Variants in CCDC40 observed in about 807,000 individuals in gnomAD.
CCDC40 encodes the protein coiled-coil domain 40 molecular ruler complex subunit, also known as coiled-coil domain-containing protein 40.
In CCDC40, 104 loss-of-function variants were observed where a neutral mutation model predicts 124.5. That is an observed-to-expected ratio of 0.84 (90% CI 0.71 to 0.98). The LOEUF (loss-of-function observed/expected upper bound fraction) is 0.98. Among genes scored for constraint, CCDC40 ranks in the 50% least tolerant of loss-of-function variants. The pLI, the probability that CCDC40 is intolerant of heterozygous loss-of-function variation, is 0.00. For missense variants in CCDC40, 1,463 were observed against 1,503.9 expected, an observed-to-expected ratio of 0.97 and a Z score of 0.45; for synonymous variants, 580 against 602.9, an observed-to-expected ratio of 0.96 and a Z score of 0.56.
intron 3 of CCDC40, among the ~76,000 whole-genome samples, chr17:80,045,903 T>C (rs9903512): frequency 0.065 from 9,848 of 151,822 alleles, 1,007 homozygotes; most frequent in African/African-American, 0.22. Context: ...AAACTTGGAC[T>C]GATGCCACCC....
Position 80,065,576 on chromosome 17 carries a change from A to C in CCDC40, c.1532A>C (p.Glu511Ala), listed in dbSNP as rs1188136826. The change falls in exon 10 of 20, where the codon GAG (glutamate) becomes GCG (alanine). Residue 511 changes from glutamate to alanine, a missense_variant. By Grantham distance (107) the Glu-to-Ala change is moderately radical. Coordinates refer to ENST00000397545, the MANE Select transcript of CCDC40 (RefSeq NM_017950.4). ...SSLVGMKHRD[E>A]AHRAVLEALR... is the part of the protein sequence containing the mutation. The stretch of plus-strand genomic sequence containing the variant: ...CTGGTGGGCATGAAGCACCGCGACG[A>C]GGCGCACAGGGCGGTGCTGGAGGCG... 6.2e-7 allele frequency: 1 copy of C among 1,612,784 alleles called. No homozygotes were observed. The highest frequency in any genetic ancestry group is 8.5e-7 in the Non-Finnish European group (1 of 1,179,870).
At chr17:80,064,853 T>A (rs1351289151) in intron 9 of CCDC40, among the ~76,000 whole-genome samples, 1 of 151,184 alleles carries the variant, frequency 6.6e-6, no homozygotes, top group Admixed American at 6.6e-5. Flanking sequence ...GACGAGAGCA[T>A]CCAGCCCTGG....
chr17:80,076,746 G>GT (rs556537459), intron 10 of CCDC40, among the ~76,000 whole-genome samples: 259 of 146,854 alleles, frequency 1.8e-3, no homozygotes, highest in Admixed American at 4.2e-3. Flanking sequence ...AATAAAGTTT[G>GT]TTTTTTTTTT....
Position 80,087,540 on chromosome 17 carries a change from T to C in CCDC40, c.2450-67T>C. The stretch of plus-strand genomic sequence containing the variant: ...AAAACCTGGCTCACCTCTCGGACAC[T>C]GCTGCCTGCGGGCGAGGACCCGTAC... On this transcript the variant is annotated intron_variant, in intron 14 of 19. Transcript: ENST00000397545. The surrounding 1 kb of genome is among the most constrained non-coding windows in gnomAD (Gnocchi z 4.5). 2.2e-6 allele frequency: 3 copies of C among 1,345,362 alleles called. No individual in the cohort carries two copies. The highest frequency in any genetic ancestry group is 3.2e-6 in the Non-Finnish European group (3 of 942,186). The allele number at this position is 1,345,362 out of a possible 1,614,324, so 83.3% of individuals were successfully genotyped here.
At chr17:80,082,767 C>T (rs866941323) in intron 12 of CCDC40, among the ~76,000 whole-genome samples, 4 of 152,206 alleles carry the variant, frequency 2.6e-5, no homozygotes, top group Non-Finnish European at 5.9e-5. Flanking sequence ...ATCCCCAGGC[C>T]CCCGGGCCCC....
At chr17:80,046,718 C>T (rs77164847) in intron 3 of CCDC40, among the ~76,000 whole-genome samples, 6,831 of 152,160 alleles carry the variant, frequency 0.045, 510 homozygotes, top group African/African-American at 0.15. Context: ...GGAAAAGCCT[C>T]GGCTCCTGGC....
intron 18 of CCDC40, among the ~76,000 whole-genome samples, 196 bp downstream of exon 18, chr17:80,095,647 C>A (rs1440627969): frequency 6.6e-6 from 1 of 151,054 alleles, no homozygotes; most frequent in Non-Finnish European, 1.5e-5. Context: ...TTCTGCTAAC[C>A]TGCTGCTGGG....
In CCDC40 at chr17:80,081,944, G is replaced by A; in HGVS notation, c.1875G>A (p.Arg625=). ...CCATCCAGGGCGAGCTGGAGCTCAG[G>A]AGGAAGACGGATGCTGCCATCCGGG... The part of the protein sequence containing the change: ...RQAIQGELEL[R]RKTDAAIREK... The change falls in exon 12 of 20, where the codon AGG becomes AGA. Residue 625 remains arginine, a synonymous_variant. Transcript: ENST00000397545. 1.2e-6 allele frequency: 2 copies of A among 1,613,966 alleles called. No homozygotes were observed. The highest frequency in any genetic ancestry group is 1.7e-6 in the Non-Finnish European group (2 of 1,179,944).
rs1336312539 is a variant in CCDC40, at chr17:80,087,650, C to G, written c.2493C>G (p.His831Gln). Reference sequence around the variant, plus strand: ...AGAAGGAGCAGAAGGAGATCGAGCACCACATGAAGGACCTGGACAACGACC... The same window carrying G: ...AGAAGGAGCAGAAGGAGATCGAGCAGCACATGAAGGACCTGGACAACGACC... ...QEKKEQKEIE[H>Q]HMKDLDNDLK... Residue 831 changes from histidine (H) to glutamine (Q), a missense_variant, in exon 15 of 20, where the codon CAC (histidine) becomes CAG (glutamine). Transcript: ENST00000397545. The surrounding 1 kb of genome is among the most constrained non-coding windows in gnomAD (Gnocchi z 4.5). 1 of 1,613,982 alleles carries G rather than the reference C, an allele frequency of 6.2e-7. No individual in the cohort carries two copies. The highest frequency in any genetic ancestry group is 8.5e-7 in the Non-Finnish European group (1 of 1,179,962).
chr17:80,083,291 G>C (rs9905540), intron 12 of CCDC40, among the ~76,000 whole-genome samples: 105,570 of 151,778 alleles, frequency 0.7, 37,130 homozygotes, highest in Middle Eastern at 0.83. Flanking sequence ...GCTGCGAGCT[G>C]ACATTGCCAC....
chr17:80,037,606 G>A (rs1455197834), intron 1 of CCDC40, among the ~76,000 whole-genome samples: 2 of 148,846 alleles, frequency 1.3e-5, no homozygotes, highest in African/African-American at 4.9e-5. Context: ...AAGATCACAG[G>A]GAACTGTCAC....
At chr17:80,036,938 T>TTCC (rs1215118478) in intron 1 of CCDC40, among the ~76,000 whole-genome samples, 3 of 152,008 alleles carry the variant, frequency 2.0e-5, no homozygotes, top group Non-Finnish European at 4.4e-5. Flanking sequence ...GCCTCCCTCT[T>TTCC]TCCCCTACTC....
In CCDC40 at chr17:80,048,702, G is replaced by T; in HGVS notation, c.796G>T (p.Gly266Trp). The T allele has an allele frequency of 6.2e-7, 1 of 1,614,016 alleles. No individual in the cohort carries two copies. Among genetic ancestry groups the T allele is most frequent in the Non-Finnish European group, 8.5e-7 (1 of 1,179,956 alleles). ...CATGGCAGAGAGAGTGGAGTCCGAGGGGAGTGACGAGGAAGCAGAAGACGA... is the reference window on the plus strand; with the variant it reads ...CATGGCAGAGAGAGTGGAGTCCGAGTGGAGTGACGAGGAAGCAGAAGACGA... ...GAMAERVESE[G>W]SDEEAEDEGS... The change falls in exon 5 of 20, where the codon GGG becomes TGG. Residue 266 changes from glycine to tryptophan, a missense_variant. By Grantham distance (184) the Gly-to-Trp change is radical. Coordinates refer to ENST00000397545, the MANE Select transcript of CCDC40 (RefSeq NM_017950.4).
intron 17 of CCDC40, 37 bp from the exon 18 acceptor site, chr17:80,095,226 C>G (rs202238299): frequency 1.2e-6 from 2 of 1,604,056 alleles, no homozygotes; most frequent in East Asian, 4.5e-5. Flanking sequence ...GCAGCTCAGG[C>G]CTGCCCCAGC....
At chr17:80,064,302 G>A (rs1032707347) in intron 9 of CCDC40, among the ~76,000 whole-genome samples, 41 of 152,292 alleles carry the variant, frequency 2.7e-4, no homozygotes, top group African/African-American at 6.3e-4. Flanking sequence ...TGGGTGTCAC[G>A]GCGTGCAGGC....
rs1371806325 is a variant in CCDC40 at position 80,088,030 on chromosome 17, T to G, written c.2639T>G (p.Ile880Ser). 3 of 1,512,654 alleles carry G rather than the reference T, an allele frequency of 2.0e-6. No individual in the cohort carries two copies. The highest frequency in any genetic ancestry group is 2.7e-6 in the Non-Finnish European group (3 of 1,107,884). 93.7% of individuals were successfully genotyped at this position (1,512,654 alleles called of 1,614,324 possible). A position where few individuals can be genotyped will look rare whatever the true frequency, so the allele number is the denominator to read the frequency against. The change falls in exon 16 of 20, where the codon ATC (isoleucine) becomes AGC (serine). Residue 880 changes from isoleucine to serine, a missense_variant. Physicochemically the swap from Ile to Ser is moderately radical, Grantham distance 142 (BLOSUM62 -2). Coordinates refer to ENST00000397545, the MANE Select transcript of CCDC40 (RefSeq NM_017950.4). ...ATGCAGGCCTCTGAGAGGGAGACCATCAAGATGCAGGACAAGCTGAACCAG... is the reference window on the plus strand; with the variant it reads ...ATGCAGGCCTCTGAGAGGGAGACCAGCAAGATGCAGGACAAGCTGAACCAG... ...RSLKASERET[I>S]KMQDKLNQLS...
chr17:80,092,244 T>C (rs2004193), intron 17 of CCDC40: 110,700 of 152,092 alleles, frequency 0.73, 40,572 homozygotes, highest in Middle Eastern at 0.86. Flanking sequence ...CCATTTTGCC[T>C]AGGCTGGTCT....
At position 80,068,098 on chromosome 17, in the gene CCDC40, A is replaced by G. The variant is rs1480819862; in HGVS notation, c.1562+2492A>G. On this transcript the variant is annotated intron_variant, in intron 10 of 19. Transcript: ENST00000397545. ...CCCCAGGCTGGAGTGCAGTGGCACCATCTCTGCTCACTGCGACCTCCGCCT... is the reference window on the plus strand; with the variant it reads ...CCCCAGGCTGGAGTGCAGTGGCACCGTCTCTGCTCACTGCGACCTCCGCCT... The G allele has an allele frequency of 5.6e-6, 3 of 539,386 alleles. No individual in the cohort carries two copies. The East Asian group carries it at 4.4e-4, about 80-fold the overall frequency. The allele number at this position is 539,386 out of a possible 1,614,324, so 33.4% of individuals were successfully genotyped here.
intron 16 of CCDC40, 157 bp downstream of exon 16, chr17:80,088,259 TTTG>T: frequency 1.4e-6 from 1 of 704,596 alleles, no homozygotes; most frequent in Non-Finnish European, 2.6e-6. Flanking sequence ...TTTGTTTTGT[TTTG>T]TTTTGTTTTT....
Sources: gnomAD v4.1 joint callset for allele counts (sites outside exome capture counted in the v4.1 genomes callset) on GRCh38, gnomAD v4.1.1 for gene constraint, Gnocchi (gnomAD v3.1) non-coding constraint, MANE v1.5 for transcripts, NCBI Gene and HGNC (gene_info 2026-07-23, HGNC 2026-07-21) for gene names.